Variants in FBXO3 observed in about 807,000 individuals in gnomAD.
The protein encoded by FBXO3 is F-box protein 3.
In FBXO3, 17 loss-of-function variants were observed where a neutral mutation model predicts 64.8. The observed-to-expected ratio is 0.26, with a 90% CI of 0.18 to 0.39. The LOEUF (loss-of-function observed/expected upper bound fraction) is 0.39, where lower values mean the gene tolerates loss of function less well. Among genes scored for constraint, FBXO3 ranks in the 10% least tolerant of loss-of-function variants. The pLI is 1.00. For missense variants in FBXO3, 420 were observed against 589.9 expected, an observed-to-expected ratio of 0.71 and a Z score of 2.98; for synonymous variants, 182 against 201.6, an observed-to-expected ratio of 0.90 and a Z score of 0.82.
chr11:33,774,330 TC>T, intron 1 of FBXO3, 63 bp downstream of exon 1: 4 of 1,374,704 alleles, frequency 2.9e-6, no homozygotes, highest in East Asian at 2.6e-5. Context: ...CGACCCCCTT[TC>T]CCCCTGCCTC....
At chr11:33,763,065 T>C (rs190051275) in intron 3 of FBXO3, 56 of 174,454 alleles carry the variant, frequency 3.2e-4, no homozygotes, top group African/African-American at 1.1e-3. Context: ...TAAGAATAAA[T>C]AGAAAATCAA....
intron 4 of FBXO3, 61 bp from the exon 5 acceptor site, chr11:33,756,036 CTTTCT>C: frequency 2.2e-6 from 3 of 1,355,892 alleles, no homozygotes; most frequent in Non-Finnish European, 3.1e-6. Flanking sequence ...TGTGCTTCAT[CTTTCT>C]GATGAATAAT....
chr11:33,755,617 T>C (rs1476328543), intron 5 of FBXO3, among the ~76,000 whole-genome samples, 154 bp downstream of exon 5: 1 of 152,226 alleles, frequency 6.6e-6, no homozygotes, highest in Non-Finnish European at 1.5e-5. Flanking sequence ...TTCCATGCCA[T>C]TATGTCAGAA....
chr11:33,742,019 C>G lies in FBXO3; in HGVS notation c.1305G>C (p.Glu435Asp), dbSNP rs1854699119. The change falls in exon 11 of 11, where the codon GAG becomes GAC. Residue 435 changes from glutamate (E) to aspartate (D), a missense_variant. Physicochemically the swap from Glu to Asp is conservative, Grantham distance 45. Around this residue, in one of 3 missense-constraint regions of FBXO3, gnomAD observed 57 missense variants for 55.4 expected, o/e 1.03. Coordinates refer to ENST00000265651, the MANE Select transcript of FBXO3 (RefSeq NM_012175.4). Reference protein sequence around the residue: ...EEEEEEEEEDEDDDSADMDES... With the variant: ...EEEEEEEEEDDDDDSADMDES... ...CATCCATATCTGCTGAATCATCATC[C>G]TCGTCTTCCTCCTCTTCCTCCTCCT... 10 of 1,609,128 alleles carry G rather than the reference C, an allele frequency of 6.2e-6. No homozygotes were observed. The highest frequency in any genetic ancestry group is 8.5e-6 in the Non-Finnish European group (10 of 1,175,982).
intron 6 of FBXO3, 179 bp downstream of exon 6, chr11:33,754,276 T>A (rs1855035229): frequency 3.9e-6 from 2 of 517,598 alleles, no homozygotes; most frequent in African/African-American, 4.0e-5. Flanking sequence ...AAATATTCAA[T>A]ACAAAAACGG....
At chr11:33,758,288 G>A (rs1180516945) in intron 4 of FBXO3, among the ~76,000 whole-genome samples, 199 bp downstream of exon 4, 2 of 152,068 alleles carry the variant, frequency 1.3e-5, no homozygotes, top group African/African-American at 4.8e-5. Flanking sequence ...GATAAAAATT[G>A]TGTTTTTATG....
intron 10 of FBXO3, chr11:33,746,534 T>C (rs935523150): frequency 1.7e-6 from 1 of 596,010 alleles, no homozygotes; most frequent in Non-Finnish European, 3.0e-6. Flanking sequence ...TACAACTCAA[T>C]TGCATTCTGG....
intron 10 of FBXO3, 149 bp downstream of exon 10, chr11:33,746,981 C>A: frequency 6.8e-7 from 1 of 1,480,176 alleles, no homozygotes; most frequent in Non-Finnish European, 8.9e-7. Flanking sequence ...CCATTTCTCT[C>A]AACAAATTCA....
At chr11:33,744,780 A>AT (rs1211219536) in intron 10 of FBXO3, 1 of 152,200 alleles carries the variant, frequency 6.6e-6, no homozygotes, top group African/African-American at 2.4e-5. Context: ...TGGGTTTATT[A>AT]TTGTCATTTG....
chr11:33,759,555 A>G (rs762119564), intron 3 of FBXO3, among the ~76,000 whole-genome samples: 1 of 152,202 alleles, frequency 6.6e-6, no homozygotes, highest in Non-Finnish European at 1.5e-5. Context: ...AATCATGTCA[A>G]TCCCTGATTG....
intron 5 of FBXO3, 108 bp from the exon 6 acceptor site, chr11:33,754,608 G>T (rs1036554828): frequency 6.1e-5 from 55 of 896,298 alleles, no homozygotes; most frequent in Non-Finnish European, 8.8e-5. Flanking sequence ...TAAAAATAAA[G>T]TTGAGATAAG....
chr11:33,760,031 T>A (rs1013176277), intron 3 of FBXO3, among the ~76,000 whole-genome samples: 1 of 152,032 alleles, frequency 6.6e-6, no homozygotes, highest in Non-Finnish European at 1.5e-5. Flanking sequence ...AAGACACATA[T>A]GGGAGGACAT....
At position 33,774,324 on chromosome 11, in the gene FBXO3, C is replaced by A. The variant is rs986659635; in HGVS notation, c.104+70G>T. The A allele has an allele frequency of 4.1e-5, 54 of 1,322,074 alleles. 1 individual carries two copies. The highest frequency in any genetic ancestry group is 3.3e-4 in the South Asian group (26 of 77,808). The allele number at this position is 1,322,074 out of a possible 1,614,324, so 81.9% of individuals were successfully genotyped here. On this transcript the variant is annotated intron_variant, in intron 1 of 10. Coordinates refer to ENST00000265651, the MANE Select transcript of FBXO3 (RefSeq NM_012175.4). ...CTCGGGTCCTGTCAGCGGCCCCGAC[C>A]CCCTTTCCCCCTGCCTCACCGCCTC...
At chr11:33,764,177 T>G (rs1323664295) in intron 3 of FBXO3, among the ~76,000 whole-genome samples, 1 of 152,194 alleles carries the variant, frequency 6.6e-6, no homozygotes, top group Non-Finnish European at 1.5e-5. Context: ...AGTACTATAC[T>G]GCAGCCAAAA....
rs990316204 is a variant in FBXO3 at position 33,750,433 on chromosome 11, T to C, written c.932+106A>G. 8 of 1,331,160 alleles carry C rather than the reference T, an allele frequency of 6.0e-6. No homozygotes were observed. The South Asian group carries it at 1.2e-4, about 20-fold the overall frequency. The allele number at this position is 1,331,160 out of a possible 1,614,324, so 82.5% of individuals were successfully genotyped here. On this transcript the variant is annotated intron_variant, in intron 8 of 10. Transcript: ENST00000265651. ...CACCTTCCTCCAAACTTCAGCAAGT[T>C]CTTTCAAAATGTGTCTTACATATCA... is the stretch of plus-strand genomic sequence containing the variant.
chr11:33,763,327 C>A (rs1025474386), intron 3 of FBXO3: 1 of 430,164 alleles, frequency 2.3e-6, no homozygotes, highest in Admixed American at 2.5e-5. Flanking sequence ...ACAGGCCAAA[C>A]TCTCATGAAC....
chr11:33,752,341 C>T (rs1232022447), intron 6 of FBXO3, among the ~76,000 whole-genome samples: 2 of 152,068 alleles, frequency 1.3e-5, no homozygotes, highest in Non-Finnish European at 2.9e-5. Flanking sequence ...CTGTCAGACC[C>T]CCCATTATTT....
chr11:33,746,354 G>A, intron 10 of FBXO3: 1 of 313,752 alleles, frequency 3.2e-6, no homozygotes. Flanking sequence ...CACTAGATAT[G>A]CCACACAGGT....
chr11:33,751,293 G>A (rs570821162), intron 7 of FBXO3, among the ~76,000 whole-genome samples: 3 of 152,102 alleles, frequency 2.0e-5, no homozygotes, highest in African/African-American at 7.2e-5. Context: ...ATCAAAATCA[G>A]CTTTTTCTTG....
Sources: gnomAD v4.1 joint callset for allele counts (sites outside exome capture counted in the v4.1 genomes callset) on GRCh38, gnomAD v4.1.1 for gene constraint, gnomAD v4.1.1 regional missense constraint, MANE v1.5 for transcripts, NCBI Gene and HGNC (gene_info 2026-07-23, HGNC 2026-07-21) for gene names.